The following HEATR5A variants were observed in gnomAD, a reference collection of about 807,000 sequenced individuals.
The protein encoded by HEATR5A is HEAT repeat-containing protein 5A.
Under a neutral mutation model 218.8 loss-of-function variants are expected in HEATR5A, and 178 were observed. That is an observed-to-expected ratio of 0.81 (90% CI 0.72 to 0.92). The LOEUF is 0.92. Among genes scored for constraint, HEATR5A ranks in the 40% least tolerant of loss-of-function variants. The probability of loss-of-function intolerance (pLI) is 0.00; values close to 1 mark genes in which losing one functional copy is unlikely to be tolerated. For synonymous variants in HEATR5A, 864 were observed against 871.6 expected (o/e 0.99, Z 0.15); for missense variants, 2,420 against 2,418.9 (o/e 1.00, Z -0.01).
At chr14:31,412,369 G>T (rs1002964667) in intron 1 of HEATR5A, among the ~76,000 whole-genome samples, 12 of 151,422 alleles carry the variant, frequency 7.9e-5, no homozygotes, top group Non-Finnish European at 1.3e-4. Context: ...GGTCGAGGCG[G>T]GTGGATCACG....
intron 28 of HEATR5A, among the ~76,000 whole-genome samples, chr14:31,311,175 TGAA>T (rs1899738538): frequency 1.3e-5 from 2 of 152,068 alleles, no homozygotes; most frequent in South Asian, 2.1e-4. Context: ...TGGAATAACA[TGAA>T]GAAGATTAAG....
At chr14:31,379,179 C>T (rs1370951415) in intron 11 of HEATR5A, among the ~76,000 whole-genome samples, 1 of 151,728 alleles carries the variant, frequency 6.6e-6, no homozygotes, top group East Asian at 1.9e-4. Flanking sequence ...AACTCCTGAC[C>T]TCAGATGATC....
intron 19 of HEATR5A, 102 bp downstream of exon 19, chr14:31,347,645 TG>T: frequency 5.8e-6 from 5 of 867,100 alleles, no homozygotes; most frequent in Non-Finnish European, 7.9e-6. Context: ...ACAATTACTA[TG>T]GGAGGAAACT....
intron 34 of HEATR5A, 142 bp from the exon 35 acceptor site, chr14:31,294,246 A>G: frequency 1.6e-6 from 1 of 619,622 alleles, no homozygotes; most frequent in Non-Finnish European, 2.8e-6. Context: ...AAGGGCCAAC[A>G]GGTAATCAAA....
chr14:31,293,944 T>G lies in HEATR5A; in HGVS notation c.5780A>C (p.Gln1927Pro). 1 of 1,608,240 alleles carries G rather than the reference T, an allele frequency of 6.2e-7. No homozygotes were observed. The highest frequency in any genetic ancestry group is 1.7e-5 in the Admixed American group (1 of 59,140). The change falls in exon 35 of 36, where the codon CAA (glutamine) becomes CCA (proline). Residue 1927 changes from glutamine (Q) to proline (P), a missense_variant. Transcript: ENST00000543095. ...TGTTTCTAAGACCTTTATGCCTTCTTGGAAGATCTCAAGCTCAGCAGTGTT... is the reference window on the plus strand; with the variant it reads ...TGTTTCTAAGACCTTTATGCCTTCTGGGAAGATCTCAAGCTCAGCAGTGTT... ...PENTAELEIF[Q>P]EGIKVLETLV... is the part of the protein sequence containing the mutation.
intron 4 of HEATR5A, among the ~76,000 whole-genome samples, chr14:31,396,278 A>G (rs1252256999): frequency 6.6e-6 from 1 of 151,826 alleles, no homozygotes; most frequent in Non-Finnish European, 1.5e-5. Context: ...GTGGTAGTGC[A>G]CACCTTTAGT....
rs1595068358 is a variant in HEATR5A, at chr14:31,294,241, C to T, written c.5620-137G>A. ...GTGTTTAATTTTGAAAGTCCAAGGG[C>T]CAACAGGTAATCAAACATCTATGCT... On this transcript the variant is annotated intron_variant, in intron 34 of 35. Coordinates refer to ENST00000543095, the MANE Select transcript of HEATR5A (RefSeq NM_015473.4). The T allele has an allele frequency of 1.8e-5, 11 of 625,722 alleles. No individual in the cohort carries two copies. The East Asian group carries it at 2.2e-4, about 13-fold the overall frequency. The allele number at this position is 625,722 out of a possible 1,614,324, so 38.8% of individuals were successfully genotyped here.
chr14:31,320,288 G>T, intron 25 of HEATR5A: 2 of 720,766 alleles, frequency 2.8e-6, no homozygotes, highest in Non-Finnish European at 2.6e-6. Flanking sequence ...CTCAGACAGG[G>T]CAAAGCCCAG....
chr14:31,346,696 A>C (rs771063139), intron 19 of HEATR5A, among the ~76,000 whole-genome samples: 22 of 152,224 alleles, frequency 1.4e-4, no homozygotes, highest in Non-Finnish European at 2.4e-4. Flanking sequence ...GCTTTTCTGC[A>C]GGAAAGTGGC....
intron 30 of HEATR5A, among the ~76,000 whole-genome samples, chr14:31,307,145 G>A (rs1395753779): frequency 6.6e-6 from 1 of 152,168 alleles, no homozygotes; most frequent in African/African-American, 2.4e-5. Context: ...GGCCAACATG[G>A]TGAAACCCTG....
intron 25 of HEATR5A, among the ~76,000 whole-genome samples, chr14:31,319,537 T>G (rs1266459243): frequency 6.6e-6 from 1 of 152,226 alleles, no homozygotes; most frequent in African/African-American, 2.4e-5. Context: ...AACGAAGTCA[T>G]GAAGACTGCT....
intron 22 of HEATR5A, among the ~76,000 whole-genome samples, chr14:31,332,940 C>T (rs552055552): frequency 2.4e-4 from 36 of 150,732 alleles, no homozygotes; most frequent in African/African-American, 7.3e-4. Context: ...GAGCCAAGAT[C>T]GCGCCACTGC....
rs954218295 is a variant in HEATR5A, at chr14:31,336,245, T to C, written c.3367+1231A>G. On this transcript the variant is annotated intron_variant, in intron 22 of 35. Coordinates refer to ENST00000543095, the MANE Select transcript of HEATR5A (RefSeq NM_015473.4). ...ATATATATATATATATATATATATA[T>C]ATATATATATATATATATAATTTTT... 6.7e-4 allele frequency among the ~76,000 whole-genome samples: 69 copies of C among 102,644 alleles called. 1 individual carries two copies. In the East Asian group the frequency reaches 0.011, roughly 17 times the overall value. The allele number at this position is 102,644 out of a possible 152,430, so 67.3% of individuals were successfully genotyped here.
At position 31,407,480 on chromosome 14, in the gene HEATR5A, G is replaced by A. The variant is rs149021906; in HGVS notation, c.-74-4431C>T. On this transcript the variant is annotated intron_variant, in intron 1 of 35. Transcript: ENST00000543095. ...ACTCTCCATGAATGCAATATAGTAT[G>A]AAGTATTAGTCAAAATGCTGCCAGC... is the stretch of plus-strand genomic sequence containing the variant. 3.5e-3 allele frequency among the ~76,000 whole-genome samples: 534 copies of A among 152,182 alleles called. 6 individuals are homozygous for A. Among genetic ancestry groups the A allele is most frequent in the African/African-American group, 0.012 (505 of 41,496 alleles).
At chr14:31,349,315 C>T (rs975776149) in intron 18 of HEATR5A, among the ~76,000 whole-genome samples, 7 of 151,782 alleles carry the variant, frequency 4.6e-5, no homozygotes, top group Non-Finnish European at 8.8e-5. Context: ...ACCTGGGAGG[C>T]GGAGCTTGCA....
chr14:31,330,657 G>A (rs1406208209), intron 22 of HEATR5A, among the ~76,000 whole-genome samples: 1 of 151,816 alleles, frequency 6.6e-6, no homozygotes, highest in African/African-American at 2.4e-5. Flanking sequence ...TGGGTGTGGT[G>A]GCAGGTGCCT....
intron 16 of HEATR5A, among the ~76,000 whole-genome samples, chr14:31,351,403 G>A (rs901029129): frequency 2.6e-5 from 4 of 151,752 alleles, no homozygotes; most frequent in African/African-American, 9.7e-5. Context: ...TGAAGCAGAA[G>A]GGTCACTTGA....
chr14:31,380,646 A>G, intron 10 of HEATR5A, 68 bp from the exon 11 acceptor site: 1 of 945,600 alleles, frequency 1.1e-6, no homozygotes, highest in South Asian at 1.5e-5. Context: ...GATAGCAGCT[A>G]ACAATATCTT....
chr14:31,402,487 C>T (rs2030914546), intron 2 of HEATR5A, among the ~76,000 whole-genome samples: 1 of 152,178 alleles, frequency 6.6e-6, no homozygotes, highest in Non-Finnish European at 1.5e-5. Flanking sequence ...TAAAGTGAAA[C>T]TCCCACTACA....
Sources: gnomAD v4.1 joint callset for allele counts (sites outside exome capture counted in the v4.1 genomes callset) on GRCh38, gnomAD v4.1.1 for gene constraint, MANE v1.5 for transcripts, NCBI Gene and HGNC (gene_info 2026-07-23, HGNC 2026-07-21) for gene names.